The following GNB2 variants were observed in gnomAD, a reference collection of about 807,000 sequenced individuals.
The protein encoded by GNB2 is guanine nucleotide-binding protein G(I)/G(S)/G(T) subunit beta-2.
A neutral mutation model predicts 40.7 loss-of-function variants in GNB2; 7 were observed. The ratio of observed to expected loss-of-function variants is 0.17; its 90% CI spans 0.10 to 0.32. GNB2 has a LOEUF of 0.32. Among genes scored for constraint, GNB2 ranks in the 10% least tolerant of loss-of-function variants. GNB2 has a pLI of 1.00. For missense variants in GNB2, 286 were observed against 473.0 expected (o/e 0.60, Z 3.67); for synonymous variants, 254 against 191.2 (o/e 1.33, Z -2.71).
rs1030030550 is a variant in GNB2, at chr7:100,678,704, C to T, written c.926C>T (p.Ala309Val). ...TCTCTCTTCTTCACAGGAGTCCTCG[C>T]TGGCCACGACAACCGCGTGAGCTGC... ...AMKGDRAGVL[A>V]GHDNRVSCLG... The change falls in exon 10 of 10, where the codon GCT becomes GTT. Residue 309 changes from alanine to valine, a missense_variant. By Grantham distance (64) the Ala-to-Val change is moderately conservative. Coordinates refer to ENST00000303210, the MANE Select transcript of GNB2 (RefSeq NM_005273.4). The T allele has an allele frequency of 1.9e-6, 3 of 1,613,246 alleles. No homozygotes were observed. Among genetic ancestry groups the T allele is most frequent in the African/African-American group, 1.3e-5 (1 of 74,938 alleles).
At chr7:100,677,304 CTTG>C (rs1804371522) in intron 4 of GNB2, 45 bp from the exon 5 acceptor site, 6 of 1,496,298 alleles carry the variant, frequency 4.0e-6, no homozygotes, top group Non-Finnish European at 5.6e-6. Context: ...GGGGGTGTGT[CTTG>C]TTTTCACGCC....
In GNB2 at chr7:100,673,850, G is replaced by A; in HGVS notation, c.-163G>A. 1.1e-5 allele frequency: 2 copies of A among 178,146 alleles called. No homozygotes were observed. Among genetic ancestry groups the A allele is most frequent in the Non-Finnish European group, 2.1e-5 (2 of 93,046 alleles). 11.0% of individuals were successfully genotyped at this position (178,146 alleles called of 1,614,324 possible). A position where few individuals can be genotyped will look rare whatever the true frequency, so the allele number is the denominator to read the frequency against. On this transcript the variant is annotated 5_prime_UTR_variant, in exon 1 of 10. Transcript: ENST00000303210. Reference sequence around the variant, plus strand: ...CGCCGCCGCCGCCGCCGCCGCCGCCGCCTCCGCCGCGGAGGAAGACAGCGC... The same window carrying A: ...CGCCGCCGCCGCCGCCGCCGCCGCCACCTCCGCCGCGGAGGAAGACAGCGC...
At chr7:100,676,087 T>C in intron 1 of GNB2, 90 bp from the exon 2 acceptor site, 1 of 529,098 alleles carries the variant, frequency 1.9e-6, no homozygotes, top group Non-Finnish European at 3.3e-6. Flanking sequence ...CCCCTCCCCT[T>C]GCTTACCCCT....
At chr7:100,675,370 C>T (rs1443639145) in intron 1 of GNB2, 1 of 151,672 alleles carries the variant, frequency 6.6e-6, no homozygotes, top group Non-Finnish European at 1.5e-5. Flanking sequence ...TCGGGGCTGC[C>T]TTCCCCGCCG....
Position 100,679,001 on chromosome 7 carries a change from GAGC to G in GNB2, c.*203_*205del. The G allele has an allele frequency of 3.5e-6, 2 of 572,822 alleles. No homozygotes were observed. The highest frequency in any genetic ancestry group is 4.5e-5 in the South Asian group (2 of 44,358). 35.5% of individuals were successfully genotyped at this position (572,822 alleles called of 1,614,324 possible). On this transcript the variant is annotated 3_prime_UTR_variant, in exon 10 of 10. Coordinates refer to ENST00000303210, the MANE Select transcript of GNB2 (RefSeq NM_005273.4). ...AGGGGATGGAATGGGGGAAGAGGAG[GAGC>G]AGGAGGCCCTCATCCTTCTGCTGCC... is the stretch of plus-strand genomic sequence containing the variant.
chr7:100,678,976 A>AG lies in GNB2; in HGVS notation c.*179dup, dbSNP rs1484940574. On this transcript the variant is annotated 3_prime_UTR_variant, in exon 10 of 10. Coordinates refer to ENST00000303210, the MANE Select transcript of GNB2 (RefSeq NM_005273.4). ...CGGGGCCCCCACTGTGGAGATAAGA[A>AG]GGGGATGGAATGGGGGAAGAGGAGG... The AG allele has an allele frequency of 1.7e-6, 1 of 595,058 alleles. No homozygotes were observed. The allele number at this position is 595,058 out of a possible 1,614,324, so 36.9% of individuals were successfully genotyped here.
intron 1 of GNB2, chr7:100,675,249 C>T (rs1463476561): frequency 6.6e-6 from 1 of 151,760 alleles, no homozygotes; most frequent in African/African-American, 2.4e-5. Context: ...CACCTCCGCG[C>T]CTCGGGGCCG....
In GNB2 at chr7:100,675,595, A is replaced by AT. The variant is rs1404150598; in HGVS notation, c.-89-581dup. 4.0e-5 allele frequency: 6 copies of AT among 151,882 alleles called. 1 individual carries two copies. The highest frequency in any genetic ancestry group is 9.7e-5 in the African/African-American group (4 of 41,264). The allele number at this position is 151,882 out of a possible 1,614,324, so 9.4% of individuals were successfully genotyped here. On this transcript the variant is annotated intron_variant, in intron 1 of 9. Transcript: ENST00000303210. ...CCCACCCTACAGGTCTCTGCCGTGG[A>AT]TGCGGTTGCCTTGGCAACGGGGCTA...
Position 100,678,756 on chromosome 7 carries a change from T to C in GNB2, c.978T>C (p.Ala326=), listed in dbSNP as rs1433577864. The change falls in exon 10 of 10, where the codon GCT becomes GCC. Residue 326 remains alanine, a synonymous_variant. Coordinates refer to ENST00000303210, the MANE Select transcript of GNB2 (RefSeq NM_005273.4). ...SCLGVTDDGM[A]VATGSWDSFL... is the part of the protein sequence containing the mutation. ...TCGGGGTCACCGACGATGGCATGGC[T>C]GTGGCCACGGGCTCCTGGGACTCCT... 1.2e-6 allele frequency: 2 copies of C among 1,613,596 alleles called. No individual in the cohort carries two copies. The highest frequency in any genetic ancestry group is 1.7e-6 in the Non-Finnish European group (2 of 1,179,962).
rs1185995145 is a variant in GNB2, at chr7:100,673,812, TCCGCGCCG to T, written c.-196_-189del. 89 of 144,910 alleles carry T rather than the reference TCCGCGCCG, an allele frequency of 6.1e-4. 1 individual carries two copies. The highest frequency in any genetic ancestry group is 3.2e-3 in the African/African-American group (87 of 27,470). 9.0% of individuals were successfully genotyped at this position (144,910 alleles called of 1,614,324 possible). ...GGGCTGGGGCCACTGAGGAAATCCA[TCCGCGCCG>T]CCGCCGCCGCCGCCGCCGCCGCCGC... On this transcript the variant is annotated 5_prime_UTR_variant, in exon 1 of 10. Coordinates refer to ENST00000303210, the MANE Select transcript of GNB2 (RefSeq NM_005273.4).
At chr7:100,676,896 C>T (rs1378128482) in intron 4 of GNB2, 97 bp downstream of exon 4, 2 of 698,254 alleles carry the variant, frequency 2.9e-6, no homozygotes, top group Non-Finnish European at 2.5e-6. Flanking sequence ...CACCAAAATA[C>T]CCAGCGTACG....
At chr7:100,675,953 T>C (rs1804337636) in intron 1 of GNB2, 3 of 382,966 alleles carry the variant, frequency 7.8e-6, no homozygotes, top group Non-Finnish European at 1.4e-5. Context: ...GCGCTTCCTC[T>C]TGCACTTCCC....
chr7:100,677,697 T>C (rs756410091), intron 6 of GNB2, 37 bp downstream of exon 6: 3 of 1,612,670 alleles, frequency 1.9e-6, no homozygotes, highest in Non-Finnish European at 2.5e-6. Flanking sequence ...CTTTTTGGGG[T>C]TGGGGGGTGC....
Position 100,678,853 on chromosome 7 carries a change from A to C in GNB2, c.*52A>C. ...CAGGAGGGGCCCTGCCCATGCCCAC[A>C]CTACAGGCCAGGGCTGCGGGGCTGG... On this transcript the variant is annotated 3_prime_UTR_variant, in exon 10 of 10. Coordinates refer to ENST00000303210, the MANE Select transcript of GNB2 (RefSeq NM_005273.4). 2 of 1,382,534 alleles carry C rather than the reference A, an allele frequency of 1.4e-6. No homozygotes were observed. The highest frequency in any genetic ancestry group is 2.1e-6 in the Non-Finnish European group (2 of 973,580). 85.6% of individuals were successfully genotyped at this position (1,382,534 alleles called of 1,614,324 possible).
At position 100,673,841 on chromosome 7, in the gene GNB2, GCC is replaced by G. The variant is rs1562856462; in HGVS notation, c.-171_-170del. 1.1e-5 allele frequency: 2 copies of G among 189,880 alleles called. No homozygotes were observed. Among genetic ancestry groups the G allele is most frequent in the Non-Finnish European group, 2.1e-5 (2 of 97,364 alleles). The allele number at this position is 189,880 out of a possible 1,614,324, so 11.8% of individuals were successfully genotyped here. A position where few individuals can be genotyped will look rare whatever the true frequency, so the allele number is the denominator to read the frequency against. On this transcript the variant is annotated 5_prime_UTR_variant, in exon 1 of 10. Coordinates refer to ENST00000303210, the MANE Select transcript of GNB2 (RefSeq NM_005273.4). ...CGCCGCCGCCGCCGCCGCCGCCGCCGCCGCCGCCGCCTCCGCCGCGGAGGAAG... is the reference window on the plus strand; with the variant it reads ...CGCCGCCGCCGCCGCCGCCGCCGCCGGCCGCCGCCTCCGCCGCGGAGGAAG...
Position 100,678,792 on chromosome 7 carries a change from C to G in GNB2, c.1014C>G (p.Ile338Met), listed in dbSNP as rs907881562. 5 of 1,610,922 alleles carry G rather than the reference C, an allele frequency of 3.1e-6. No homozygotes were observed. The African/African-American group carries it at 5.3e-5, about 17-fold the overall frequency. ...GCTCCTGGGACTCCTTCCTCAAGAT[C>G]TGGAACTAATGGCCCCACCCCCACT... Reference protein sequence around the residue: ...ATGSWDSFLKIWN With the variant: ...ATGSWDSFLKMWN The change falls in exon 10 of 10, where the codon ATC becomes ATG. Residue 338 changes from isoleucine (I) to methionine (M), a missense_variant. Ile to Met is a conservative substitution (Grantham distance 10). Transcript: ENST00000303210.
chr7:100,674,765 G>C (rs1804313348), intron 1 of GNB2, among the ~76,000 whole-genome samples: 1 of 151,982 alleles, frequency 6.6e-6, no homozygotes, highest in Admixed American at 6.5e-5. Context: ...CGAGGGCTGA[G>C]AACGTCGCCC....
intron 1 of GNB2, among the ~76,000 whole-genome samples, chr7:100,674,463 C>CTAT (rs1200973080): frequency 1.3e-5 from 2 of 152,134 alleles, no homozygotes; most frequent in African/African-American, 4.8e-5. Flanking sequence ...CCTCGGCGCC[C>CTAT]TATTCCCTTT....
At chr7:100,675,915 G>A (rs924509847) in intron 1 of GNB2, 32 of 277,452 alleles carry the variant, frequency 1.2e-4, no homozygotes, top group African/African-American at 7.2e-4. Flanking sequence ...GTCCTGCCCG[G>A]GCTGTGTCCG....
Sources: gnomAD v4.1 joint callset for allele counts (sites outside exome capture counted in the v4.1 genomes callset) on GRCh38, gnomAD v4.1.1 for gene constraint, MANE v1.5 for transcripts, NCBI Gene and HGNC (gene_info 2026-07-23, HGNC 2026-07-21) for gene names.